SCN8A: variants seen among roughly 807,000 people sequenced by gnomAD.
SCN8A encodes sodium channel protein type 8 subunit alpha.
In SCN8A, 30 loss-of-function variants were observed where a neutral mutation model predicts 184.1. The observed-to-expected ratio is 0.16, with a 90% CI of 0.12 to 0.22. SCN8A has a LOEUF of 0.22. SCN8A is among the 10% of genes least tolerant of loss of function. The pLI, the probability that SCN8A is intolerant of heterozygous loss-of-function variation, is 1.00. For missense variants in SCN8A, 1,057 were observed against 2,498.9 expected, an observed-to-expected ratio of 0.42 and a Z score of 12.30; for synonymous variants, 852 against 907.0, an observed-to-expected ratio of 0.94 and a Z score of 1.09.
Position 51,751,575 on chromosome 12 carries a change from C to A in SCN8A, c.2352C>A (p.Val784=). The A allele has an allele frequency of 1.2e-6, 2 of 1,612,984 alleles. No individual in the cohort carries two copies. Among genetic ancestry groups the A allele is most frequent in the Non-Finnish European group, 1.7e-6 (2 of 1,179,078 alleles). ...CTATGACACCACAATTTGAACATGT[C>A]TTGGCTGTAGGAAATCTGGTAAGAT... ...HHPMTPQFEH[V]LAVGNLVFTG... The change falls in exon 14 of 27, where the codon GTC becomes GTA. Residue 784 remains valine (V), a synonymous_variant. Transcript: ENST00000627620.
At chr12:51,620,062 A>G (rs1939927202) in intron 1 of SCN8A, among the ~76,000 whole-genome samples, 2 of 152,194 alleles carry the variant, frequency 1.3e-5, no homozygotes, top group African/African-American at 4.8e-5. Flanking sequence ...TTTGTGCAAG[A>G]AACAGTCTTA....
intron 1 of SCN8A, among the ~76,000 whole-genome samples, chr12:51,601,268 C>T (rs1330763487): frequency 6.6e-6 from 1 of 152,132 alleles, no homozygotes; most frequent in Non-Finnish European, 1.5e-5. Context: ...TTTCTTATTT[C>T]TTAACCATCT....
At chr12:51,643,465 C>T (rs533855487) in intron 1 of SCN8A, among the ~76,000 whole-genome samples, 19 of 152,170 alleles carry the variant, frequency 1.2e-4, no homozygotes, top group Non-Finnish European at 2.5e-4. Context: ...GGCCCATAAC[C>T]ACTTTGATGT....
At chr12:51,661,339 G>T (rs775526848) in intron 1 of SCN8A, among the ~76,000 whole-genome samples, 5 of 152,310 alleles carry the variant, frequency 3.3e-5, no homozygotes, top group Middle Eastern at 3.4e-3. Flanking sequence ...GTCTATGTGG[G>T]GCAAACTTGT....
At chr12:51,772,935 T>A (rs1052626146) in intron 19 of SCN8A, among the ~76,000 whole-genome samples, 1 of 151,984 alleles carries the variant, frequency 6.6e-6, no homozygotes, top group Non-Finnish European at 1.5e-5. Flanking sequence ...GCTAACACAG[T>A]GAAACCCCAT....
At chr12:51,765,520 T>G in intron 15 of SCN8A, 151 bp from the exon 16 acceptor site, 1 of 549,716 alleles carries the variant, frequency 1.8e-6, no homozygotes, top group Non-Finnish European at 3.1e-6. Context: ...CCATTTAGTC[T>G]GAGACACTGT....
intron 2 of SCN8A, among the ~76,000 whole-genome samples, chr12:51,665,546 T>C (rs1006555234): frequency 1.3e-5 from 2 of 152,220 alleles, no homozygotes; most frequent in African/African-American, 2.4e-5. Context: ...ATGTTCATTG[T>C]ACTTTTAAAT....
intron 12 of SCN8A, among the ~76,000 whole-genome samples, chr12:51,738,549 A>G (rs958900028): frequency 3.3e-5 from 5 of 152,180 alleles, no homozygotes; most frequent in South Asian, 2.1e-4. Context: ...GATTTACCCA[A>G]TAAGCTGCTT....
chr12:51,677,556 G>A (rs935022971), intron 2 of SCN8A, among the ~76,000 whole-genome samples: 29 of 152,192 alleles, frequency 1.9e-4, no homozygotes, highest in African/African-American at 7.0e-4. Flanking sequence ...GCATATGGAC[G>A]TGCTCTACCT....
chr12:51,670,640 G>C (rs559061310), intron 2 of SCN8A, among the ~76,000 whole-genome samples: 5 of 152,276 alleles, frequency 3.3e-5, no homozygotes, highest in African/African-American at 1.2e-4. Flanking sequence ...GCTGTGCTTA[G>C]AGAGGTGAAT....
intron 1 of SCN8A, among the ~76,000 whole-genome samples, chr12:51,648,684 G>A (rs1321603707): frequency 2.0e-5 from 3 of 152,086 alleles, no homozygotes; most frequent in Admixed American, 1.3e-4. Flanking sequence ...GAACAGTATG[G>A]GGGAAACCAC....
At chr12:51,749,292 C>T (rs774806182) in intron 13 of SCN8A, among the ~76,000 whole-genome samples, 1 of 152,156 alleles carries the variant, frequency 6.6e-6, no homozygotes, top group Non-Finnish European at 1.5e-5. Flanking sequence ...TTTCTTGGTG[C>T]CCTGTAGGGC....
chr12:51,670,057 A>T (rs1431431604), intron 2 of SCN8A, among the ~76,000 whole-genome samples: 2 of 152,230 alleles, frequency 1.3e-5, no homozygotes, highest in African/African-American at 4.8e-5. Flanking sequence ...CAATATAAGG[A>T]AACAAAATGA....
chr12:51,596,578 G>A (rs146711575), intron 1 of SCN8A, among the ~76,000 whole-genome samples: 3 of 152,284 alleles, frequency 2.0e-5, no homozygotes, highest in South Asian at 2.1e-4. Context: ...ACATATCTTA[G>A]TGAGTGGGTA....
At chr12:51,615,645 C>T (rs958887669) in intron 1 of SCN8A, among the ~76,000 whole-genome samples, 2 of 151,982 alleles carry the variant, frequency 1.3e-5, no homozygotes, top group African/African-American at 2.4e-5. Flanking sequence ...ATTGCATCTA[C>T]ATGCATGAAA....
chr12:51,664,619 G>A (rs1300084330), intron 2 of SCN8A, among the ~76,000 whole-genome samples: 3 of 152,098 alleles, frequency 2.0e-5, no homozygotes, highest in Admixed American at 1.3e-4. Flanking sequence ...TGTAATTTTC[G>A]GCAAGACACT....
intron 1 of SCN8A, among the ~76,000 whole-genome samples, chr12:51,643,904 T>C (rs1940507773): frequency 6.6e-6 from 1 of 152,232 alleles, no homozygotes; most frequent in East Asian, 1.9e-4. Flanking sequence ...ATGCCTGGAA[T>C]GTAGTAGACA....
intron 6 of SCN8A, among the ~76,000 whole-genome samples, chr12:51,695,764 C>G (rs73297658): frequency 0.012 from 1,865 of 152,210 alleles, 45 homozygotes; most frequent in African/African-American, 0.042. Context: ...ACCATTCTCA[C>G]CACATGAAAA....
At chr12:51,721,475 TG>T (rs1489986709) in intron 11 of SCN8A, 70 bp from the exon 12 acceptor site, 174 of 1,457,302 alleles carry the variant, frequency 1.2e-4, no homozygotes, top group South Asian at 4.1e-4. Context: ...CTAACCACTT[TG>T]CTCAGTATAA....
Sources: gnomAD v4.1 joint callset for allele counts (sites outside exome capture counted in the v4.1 genomes callset) on GRCh38, gnomAD v4.1.1 for gene constraint, MANE v1.5 for transcripts, NCBI Gene and HGNC (gene_info 2026-07-23, HGNC 2026-07-21) for gene names.